CDH12: variants seen among roughly 807,000 people sequenced by gnomAD.
CDH12 encodes the protein cadherin 12.
A neutral mutation model predicts 74.1 loss-of-function variants in CDH12; 41 were observed. That is an observed-to-expected ratio of 0.55 (90% CI 0.43 to 0.72). CDH12 has a LOEUF of 0.72. Ranked by LOEUF, CDH12 falls within the 30% of genes least tolerant of loss-of-function variation. The pLI is 0.00. For synonymous variants in CDH12, 399 were observed against 355.0 expected (o/e 1.12, Z -1.39); for missense variants, 945 against 977.2 (o/e 0.97, Z 0.44).
At chr5:21,785,866 T>G (rs1746168840) in intron 10 of CDH12, among the ~76,000 whole-genome samples, 1 of 152,182 alleles carries the variant, frequency 6.6e-6, no homozygotes, top group Non-Finnish European at 1.5e-5. Flanking sequence ...GTGGCTACAC[T>G]AAACAACAGA....
At chr5:22,358,360 A>G (rs1421327542) in intron 3 of CDH12, among the ~76,000 whole-genome samples, 2 of 152,010 alleles carry the variant, frequency 1.3e-5, no homozygotes, top group Admixed American at 1.3e-4. Context: ...GTGAGTGAAG[A>G]TCATCCCACT....
chr5:22,481,781 C>T (rs1746393992), intron 2 of CDH12, among the ~76,000 whole-genome samples: 1 of 152,124 alleles, frequency 6.6e-6, no homozygotes, highest in African/African-American at 2.4e-5. Flanking sequence ...CTGTACAACA[C>T]AGTGCCTATA....
intron 4 of CDH12, among the ~76,000 whole-genome samples, chr5:22,188,346 G>C (rs1273401107): frequency 6.6e-6 from 1 of 151,296 alleles, no homozygotes; most frequent in Non-Finnish European, 1.5e-5. Flanking sequence ...GAAAGCCCTT[G>C]CAAGAAACCA....
intron 3 of CDH12, among the ~76,000 whole-genome samples, chr5:22,319,511 C>T (rs1241390736): frequency 6.6e-6 from 1 of 152,078 alleles, no homozygotes; most frequent in Non-Finnish European, 1.5e-5. Flanking sequence ...TATAGTTTCT[C>T]TCTCACAGGG....
chr5:22,730,198 A>T (rs1744363747), intron 1 of CDH12, among the ~76,000 whole-genome samples: 1 of 151,928 alleles, frequency 6.6e-6, no homozygotes, highest in South Asian at 2.1e-4. Context: ...AACAACGACA[A>T]CAACAACAAA....
intron 1 of CDH12, among the ~76,000 whole-genome samples, chr5:22,838,537 C>G (rs536625202): frequency 6.6e-6 from 1 of 152,160 alleles, no homozygotes; most frequent in East Asian, 1.9e-4. Flanking sequence ...AACTGATTCA[C>G]TGGTTAATTT....
At chr5:22,076,819 C>G (rs1742345907) in intron 5 of CDH12, among the ~76,000 whole-genome samples, 1 of 152,002 alleles carries the variant, frequency 6.6e-6, no homozygotes. Context: ...CTGTGGGTGG[C>G]AATGTGATCT....
At chr5:22,740,006 C>T (rs2127016375) in intron 1 of CDH12, among the ~76,000 whole-genome samples, 1 of 152,118 alleles carries the variant, frequency 6.6e-6, no homozygotes, top group East Asian at 1.9e-4. Context: ...TACAAGATGT[C>T]AAATTCAAAT....
chr5:22,761,388 T>C (rs1336513700), intron 1 of CDH12, among the ~76,000 whole-genome samples: 1 of 152,170 alleles, frequency 6.6e-6, no homozygotes, highest in Non-Finnish European at 1.5e-5. Flanking sequence ...GGAAAATGCC[T>C]GGAGAAGGGA....
rs1748765494 is a variant in CDH12 at position 22,806,021 on chromosome 5, A to G, written c.-523+47037T>C. On this transcript the variant is annotated intron_variant, in intron 1 of 14. Transcript: ENST00000382254. Reference sequence around the variant, plus strand: ...TTTTATGGCTGCATAGTATTCCTTGATGTATATATGGCACATTTTCTTTAT... The same window carrying G: ...TTTTATGGCTGCATAGTATTCCTTGGTGTATATATGGCACATTTTCTTTAT... 2.6e-5 allele frequency among the ~76,000 whole-genome samples: 4 copies of G among 152,104 alleles called. No individual in the cohort carries two copies. In the South Asian group the frequency reaches 8.3e-4, roughly 31 times the overall value.
At chr5:22,825,178 T>C (rs544396551) in intron 1 of CDH12, among the ~76,000 whole-genome samples, 3 of 152,076 alleles carry the variant, frequency 2.0e-5, no homozygotes, top group African/African-American at 4.8e-5. Context: ...ACTGATAATA[T>C]AGCAAGAAAC....
rs553684294 is a variant in CDH12, at chr5:22,006,529, A to G, written c.232-31144T>C. Among the ~76,000 whole-genome samples the G allele has an allele frequency of 3.3e-5, 5 of 152,214 alleles. No individual in the cohort carries two copies. In the East Asian group the frequency reaches 9.6e-4, roughly 29 times the overall value. On this transcript the variant is annotated intron_variant, in intron 5 of 14. Coordinates refer to ENST00000382254, the MANE Select transcript of CDH12 (RefSeq NM_004061.5). Reference sequence around the variant, plus strand: ...AGAACTTGATCTATTTAGAAATTATATAATAGTAAACATTACTCATAATTT... The same window carrying G: ...AGAACTTGATCTATTTAGAAATTATGTAATAGTAAACATTACTCATAATTT...
chr5:22,096,892 A>T (rs1211799453), intron 4 of CDH12, among the ~76,000 whole-genome samples: 1 of 152,102 alleles, frequency 6.6e-6, no homozygotes, highest in Non-Finnish European at 1.5e-5. Flanking sequence ...AAGCTCCAAA[A>T]ATTAAATTCT....
chr5:22,572,936 C>T (rs9283769), intron 1 of CDH12, among the ~76,000 whole-genome samples: 21,312 of 152,106 alleles, frequency 0.14, 1,606 homozygotes, highest in South Asian at 0.21. Flanking sequence ...CTATTTTATG[C>T]CACCCTCAAG....
chr5:22,047,159 T>A (rs1045236704), intron 5 of CDH12, among the ~76,000 whole-genome samples: 1 of 152,178 alleles, frequency 6.6e-6, no homozygotes, highest in Non-Finnish European at 1.5e-5. Context: ...TGAATCTAGC[T>A]CCAACTGTGA....
At chr5:22,653,312 AT>A (rs1739837409) in intron 1 of CDH12, among the ~76,000 whole-genome samples, 1 of 152,126 alleles carries the variant, frequency 6.6e-6, no homozygotes, top group South Asian at 2.1e-4. Context: ...TTATATAGTC[AT>A]TTCTCCTTTT....
chr5:22,749,376 A>G (rs978472041), intron 1 of CDH12, among the ~76,000 whole-genome samples: 1 of 152,208 alleles, frequency 6.6e-6, no homozygotes, highest in Non-Finnish European at 1.5e-5. Context: ...GTGGGGCAAC[A>G]TTTTATGTTT....
intron 6 of CDH12, among the ~76,000 whole-genome samples, chr5:21,951,861 G>A (rs1324896568): frequency 6.6e-6 from 1 of 152,176 alleles, no homozygotes; most frequent in Non-Finnish European, 1.5e-5. Flanking sequence ...AAGCAAGAGT[G>A]AGGGAAAGTT....
At chr5:22,124,439 A>G (rs1034813676) in intron 4 of CDH12, among the ~76,000 whole-genome samples, 2 of 152,028 alleles carry the variant, frequency 1.3e-5, no homozygotes, top group Admixed American at 1.3e-4. Context: ...TATTTTTTTC[A>G]AAACCAGCTT....
Sources: gnomAD v4.1 joint callset for allele counts (sites outside exome capture counted in the v4.1 genomes callset) on GRCh38, gnomAD v4.1.1 for gene constraint, MANE v1.5 for transcripts, NCBI Gene and HGNC (gene_info 2026-07-23, HGNC 2026-07-21) for gene names.